TRHDE: variants seen among roughly 807,000 people sequenced by gnomAD.
The protein encoded by TRHDE is thyrotropin releasing hormone degrading enzyme.
A neutral mutation model predicts 125.7 loss-of-function variants in TRHDE; 72 were observed. The observed-to-expected ratio is 0.57, with a 90% confidence interval of 0.47 to 0.70. The LOEUF is 0.70. TRHDE is among the 30% of genes least tolerant of loss of function. The probability of loss-of-function intolerance (pLI) is 0.00; values close to 1 mark genes in which losing one functional copy is unlikely to be tolerated. For synonymous variants in TRHDE, 509 were observed against 509.1 expected (o/e 1.00, Z 0.00); for missense variants, 1,110 against 1,327.1 (o/e 0.84, Z 2.54).
intron 2 of TRHDE, among the ~76,000 whole-genome samples, chr12:72,238,120 C>G (rs2139378098): frequency 6.6e-6 from 1 of 150,972 alleles, no homozygotes; most frequent in South Asian, 2.1e-4. Context: ...CATGACTTGA[C>G]TTGTGTTTGA....
upstream of TRHDE, among the ~76,000 whole-genome samples, chr12:72,270,834 A>G (rs535943079): frequency 6.6e-6 from 1 of 152,368 alleles, no homozygotes; most frequent in South Asian, 2.1e-4. Context: ...GTATAATTTT[A>G]AACTCCAATA....
intron 7 of TRHDE, among the ~76,000 whole-genome samples, chr12:72,543,771 T>C (rs1301937498): frequency 6.7e-6 from 1 of 148,738 alleles, no homozygotes; most frequent in Non-Finnish European, 1.5e-5. Flanking sequence ...AGTTATATTA[T>C]TTGGAAAGGA....
rs146003985 is a variant in TRHDE, at chr12:72,089,372, A to G, written n.174+1933A>G. ...TACATTGGATTCCATTTCTCTCAGA[A>G]AAGTAAAGTCCTTTACAAAGGCCTA... On this transcript the variant is annotated intron_variant and non_coding_transcript_variant, in intron 1 of 4. Coordinates refer to the TRHDE transcript ENST00000548156. 1.9e-3 allele frequency among the ~76,000 whole-genome samples: 288 copies of G among 152,300 alleles called. 5 individuals are homozygous for G. The highest frequency in any genetic ancestry group is 1.0e-4 in the Non-Finnish European group (7 of 68,022).
intron 2 of TRHDE, among the ~76,000 whole-genome samples, chr12:72,354,920 A>G (rs1250494634): frequency 6.6e-6 from 1 of 151,366 alleles, no homozygotes; most frequent in Non-Finnish European, 1.5e-5. Context: ...ATCATGTCAA[A>G]TGTGATAAGT....
At chr12:72,575,600 T>C in intron 12 of TRHDE, 58 bp downstream of exon 12, 1 of 1,408,958 alleles carries the variant, frequency 7.1e-7, no homozygotes, top group Non-Finnish European at 1.0e-6. Context: ...CTTCCTGTAT[T>C]AAACTGCATA....
Position 72,586,758 on chromosome 12 carries a change from T to G in TRHDE, c.2321+11216T>G, listed in dbSNP as rs997382775. Among the ~76,000 whole-genome samples the G allele has an allele frequency of 5.7e-5, 8 of 139,798 alleles. No homozygotes were observed. The East Asian group carries it at 6.3e-4, about 11-fold the overall frequency. The allele number at this position is 139,798 out of a possible 152,430, so 91.7% of individuals were successfully genotyped here. Reference sequence around the variant, plus strand: ...GATTAAACAGAAATTCAGTATAAACTCTCCAGGACACCAGGTGGTCATGCT... The same window carrying G: ...GATTAAACAGAAATTCAGTATAAACGCTCCAGGACACCAGGTGGTCATGCT... On this transcript the variant is annotated intron_variant, in intron 12 of 18. Coordinates refer to ENST00000261180, the MANE Select transcript of TRHDE (RefSeq NM_013381.3).
intron 12 of TRHDE, among the ~76,000 whole-genome samples, chr12:72,599,910 ATTTT>A (rs764554303): frequency 6.6e-6 from 1 of 151,956 alleles, no homozygotes; most frequent in Non-Finnish European, 1.5e-5. Flanking sequence ...TCTTGACTTA[ATTTT>A]TTTGTATAGT....
At chr12:72,656,837 A>G in intron 17 of TRHDE, 90 bp from the exon 18 acceptor site, 1 of 876,604 alleles carries the variant, frequency 1.1e-6, no homozygotes, top group African/African-American at 1.7e-5. Flanking sequence ...GAGCAAATCG[A>G]ACCCTTGAGA....
intron 12 of TRHDE, among the ~76,000 whole-genome samples, chr12:72,596,413 G>T (rs1871942531): frequency 6.6e-6 from 1 of 151,996 alleles, no homozygotes; most frequent in South Asian, 2.1e-4. Flanking sequence ...ACACTGTTTT[G>T]CACTAGATAT....
chr12:72,240,005 C>T (rs997832133), intron 2 of TRHDE, among the ~76,000 whole-genome samples: 4 of 152,136 alleles, frequency 2.6e-5, no homozygotes. Context: ...TATAGTTTTA[C>T]TGGAACTACT....
intron 5 of TRHDE, among the ~76,000 whole-genome samples, chr12:72,486,732 A>G (rs556699305): frequency 6.6e-6 from 1 of 152,324 alleles, no homozygotes; most frequent in African/African-American, 2.4e-5. Flanking sequence ...ACATACATGC[A>G]GGGACACAAG....
At chr12:72,098,095 C>G (rs945013231) in intron 1 of TRHDE, among the ~76,000 whole-genome samples, 1 of 151,852 alleles carries the variant, frequency 6.6e-6, no homozygotes. Context: ...GTCGCCCGGG[C>G]TTGTCTCAAA....
At chr12:72,212,923 A>G (rs934530207) in intron 2 of TRHDE, among the ~76,000 whole-genome samples, 3 of 152,128 alleles carry the variant, frequency 2.0e-5, no homozygotes, top group Non-Finnish European at 4.4e-5. Context: ...AAAAAGTAAA[A>G]ACAATTCAAA....
upstream of TRHDE, chr12:72,272,195 T>A: frequency 2.2e-6 from 1 of 447,540 alleles, no homozygotes; most frequent in Non-Finnish European, 4.5e-6. The surrounding 1 kb of genome is among the most constrained non-coding windows in gnomAD (Gnocchi z 6.7). Flanking sequence ...AAGCCCTAAC[T>A]TCCCTCTCTA....
chr12:72,305,088 CAG>C (rs1276314815), intron 2 of TRHDE, among the ~76,000 whole-genome samples: 1 of 152,050 alleles, frequency 6.6e-6, no homozygotes, highest in Non-Finnish European at 1.5e-5. Flanking sequence ...AAAAAAGACA[CAG>C]AAAAATTTCA....
intron 12 of TRHDE, among the ~76,000 whole-genome samples, chr12:72,597,499 C>T (rs906732112): frequency 6.6e-6 from 1 of 151,264 alleles, no homozygotes; most frequent in African/African-American, 2.4e-5. Flanking sequence ...GAAACCCTGT[C>T]TCTGCTAAAA....
At chr12:72,294,985 G>A (rs74105306) in intron 2 of TRHDE, among the ~76,000 whole-genome samples, 26,009 of 151,866 alleles carry the variant, frequency 0.17, 2,318 homozygotes, top group Middle Eastern at 0.32. Context: ...GCAGGGAGAA[G>A]CCAGGCAGTG....
At chr12:72,395,180 A>G (rs1045857465) in intron 3 of TRHDE, among the ~76,000 whole-genome samples, 10 of 152,102 alleles carry the variant, frequency 6.6e-5, no homozygotes, top group African/African-American at 1.7e-4. Context: ...CCTTTGACCA[A>G]CGTCTTCCCA....
chr12:72,165,820 G>T (rs190657668), intron 2 of TRHDE, among the ~76,000 whole-genome samples: 1 of 151,802 alleles, frequency 6.6e-6, no homozygotes, highest in Non-Finnish European at 1.5e-5. Context: ...GACTACAGGC[G>T]CCCGCCACCA....
Sources: gnomAD v4.1 joint callset for allele counts (sites outside exome capture counted in the v4.1 genomes callset) on GRCh38, gnomAD v4.1.1 for gene constraint, Gnocchi (gnomAD v3.1) non-coding constraint, MANE v1.5 for transcripts, NCBI Gene and HGNC (gene_info 2026-07-23, HGNC 2026-07-21) for gene names.